Variants in KLHL18 observed in about 807,000 individuals in gnomAD.
KLHL18 encodes the protein kelch like family member 18.
A neutral mutation model predicts 58.5 loss-of-function variants in KLHL18; 38 were observed. That is an observed-to-expected ratio of 0.65 (90% CI 0.50 to 0.85). The LOEUF (loss-of-function observed/expected upper bound fraction) is 0.85, where lower values mean the gene tolerates loss of function less well. KLHL18 is among the 40% of genes least tolerant of loss of function. The pLI, the probability that KLHL18 is intolerant of heterozygous loss-of-function variation, is 0.00. For missense variants in KLHL18, 624 were observed against 778.4 expected, an observed-to-expected ratio of 0.80 and a Z score of 2.36; for synonymous variants, 303 against 301.9, an observed-to-expected ratio of 1.00 and a Z score of -0.04.
intron 1 of KLHL18, among the ~76,000 whole-genome samples, chr3:47,291,658 T>C (rs897852487): frequency 2.6e-5 from 4 of 152,256 alleles, no homozygotes; most frequent in Non-Finnish European, 5.9e-5. Context: ...TGACCTGTTA[T>C]ATACTGATAG....
intron 2 of KLHL18, among the ~76,000 whole-genome samples, chr3:47,321,653 G>A (rs545178049): frequency 6.6e-6 from 1 of 152,244 alleles, no homozygotes; most frequent in African/African-American, 2.4e-5. Flanking sequence ...CCCGGCTTCT[G>A]CCAGCTTTCT....
chr3:47,319,932 C>T, intron 2 of KLHL18, 149 bp downstream of exon 2: 1 of 847,948 alleles, frequency 1.2e-6, no homozygotes, highest in Non-Finnish European at 1.8e-6. Flanking sequence ...AGATTAGAAC[C>T]TGGGCCAGTG....
intron 4 of KLHL18, among the ~76,000 whole-genome samples, chr3:47,332,419 T>G (rs1010425955): frequency 2.6e-5 from 4 of 151,972 alleles, no homozygotes; most frequent in Admixed American, 6.6e-5. Flanking sequence ...AAGGTATGAT[T>G]TATTTTCCTC....
At chr3:47,292,758 T>C (rs918386664) in intron 1 of KLHL18, among the ~76,000 whole-genome samples, 2 of 151,780 alleles carry the variant, frequency 1.3e-5, no homozygotes, top group African/African-American at 4.8e-5. Flanking sequence ...ATACAAAAAT[T>C]AGCCAGGCGT....
rs550518143 is a variant in KLHL18, at chr3:47,319,632, T to C, written c.130-21T>C. ...TTTTGCATTCCTCAATATCTGTCTT[T>C]GTATTTTACTTTGCCCACAGATTGG... On this transcript the variant is annotated intron_variant, in intron 1 of 9. Coordinates refer to ENST00000232766, the MANE Select transcript of KLHL18 (RefSeq NM_025010.5). 1.7e-4 allele frequency: 282 copies of C among 1,612,082 alleles called. 4 individuals carry two copies. The South Asian group carries it at 3.0e-3, about 17-fold the overall frequency.
intron 7 of KLHL18, chr3:47,337,178 G>T (rs1298619239): frequency 5.1e-6 from 1 of 196,590 alleles, no homozygotes; most frequent in Non-Finnish European, 1.1e-5. Flanking sequence ...GTGTTTTTCT[G>T]TGTACCTTCC....
intron 1 of KLHL18, 127 bp downstream of exon 1, chr3:47,283,221 G>A: frequency 1.4e-6 from 1 of 725,304 alleles, no homozygotes; most frequent in Non-Finnish European, 2.1e-6. Flanking sequence ...GAGGGGGGCC[G>A]AGTAGTGGGG....
chr3:47,333,389 C>T, intron 5 of KLHL18, 72 bp downstream of exon 5: 2 of 1,443,448 alleles, frequency 1.4e-6, no homozygotes, highest in African/African-American at 1.4e-5. Flanking sequence ...CCACCTGTTC[C>T]AGTTCTGGAA....
intron 3 of KLHL18, among the ~76,000 whole-genome samples, chr3:47,326,132 G>A (rs1703714886): frequency 6.6e-6 from 1 of 152,090 alleles, no homozygotes; most frequent in African/African-American, 2.4e-5. Context: ...ATTTTTAGTA[G>A]AGATGGGGTT....
In KLHL18 at chr3:47,343,444, C is replaced by T. The variant is rs1576191074; in HGVS notation, c.1339-111C>T. ...ACTGGGAGAGCTCCTTGTCCCCATA[C>T]CTCCCACAGGAGTTTGACATCATGG... On this transcript the variant is annotated intron_variant, in intron 9 of 9. Coordinates refer to ENST00000232766, the MANE Select transcript of KLHL18 (RefSeq NM_025010.5). 4.7e-6 allele frequency: 6 copies of T among 1,285,670 alleles called. No homozygotes were observed. In the East Asian group the frequency reaches 1.4e-4, roughly 30 times the overall value. The allele number at this position is 1,285,670 out of a possible 1,614,324, so 79.6% of individuals were successfully genotyped here. A position where few individuals can be genotyped will look rare whatever the true frequency, so the allele number is the denominator to read the frequency against.
At chr3:47,296,320 C>G (rs1702896001) in intron 1 of KLHL18, among the ~76,000 whole-genome samples, 1 of 152,190 alleles carries the variant, frequency 6.6e-6, no homozygotes, top group Non-Finnish European at 1.5e-5. Flanking sequence ...ATGTTTCAAG[C>G]ACTTAAAAGT....
intron 1 of KLHL18, among the ~76,000 whole-genome samples, chr3:47,318,154 C>T (rs1040737972): frequency 1.3e-5 from 2 of 152,164 alleles, no homozygotes; most frequent in African/African-American, 4.8e-5. Context: ...CATGAGCCAC[C>T]CTGCGTCCGG....
At chr3:47,320,312 T>G (rs1173183484) in intron 2 of KLHL18, among the ~76,000 whole-genome samples, 1 of 152,194 alleles carries the variant, frequency 6.6e-6, no homozygotes, top group Non-Finnish European at 1.5e-5. Flanking sequence ...GAACTGAATT[T>G]TAAATTTTGT....
At chr3:47,289,406 G>A (rs1702743775) in intron 1 of KLHL18, among the ~76,000 whole-genome samples, 1 of 152,306 alleles carries the variant, frequency 6.6e-6, no homozygotes, top group East Asian at 1.9e-4. Flanking sequence ...CCCACTAAAT[G>A]TAGGCACACA....
chr3:47,289,973 C>T (rs1402023394), intron 1 of KLHL18, among the ~76,000 whole-genome samples: 1 of 152,082 alleles, frequency 6.6e-6, no homozygotes, highest in African/African-American at 2.4e-5. Context: ...GCAATATATC[C>T]ATGTATCAAA....
intron 1 of KLHL18, among the ~76,000 whole-genome samples, chr3:47,309,257 A>C (rs1306044059): frequency 7.9e-5 from 12 of 152,204 alleles, no homozygotes; most frequent in Non-Finnish European, 1.6e-4. Flanking sequence ...CATCGTCATC[A>C]TGGCCCGTTC....
Position 47,336,662 on chromosome 3 carries a change from A to C in KLHL18, c.1026A>C (p.Gly342=). The C allele has an allele frequency of 1.2e-6, 2 of 1,614,190 alleles. No individual in the cohort carries two copies. The highest frequency in any genetic ancestry group is 8.5e-7 in the Non-Finnish European group (1 of 1,180,038). Residue 342 remains glycine (G), a synonymous_variant, in exon 7 of 10, where the codon GGA becomes GGC. Coordinates refer to ENST00000232766, the MANE Select transcript of KLHL18 (RefSeq NM_025010.5). ...AVVNGLLYAI[G]GYDGQLRLST... is the part of the protein sequence containing the mutation. ...TGAACGGGCTTCTCTATGCCATCGG[A>C]GGATATGACGGCCAGCTACGGCTGA... is the stretch of plus-strand genomic sequence containing the variant.
At chr3:47,317,404 A>G (rs532252180) in intron 1 of KLHL18, among the ~76,000 whole-genome samples, 14 of 152,232 alleles carry the variant, frequency 9.2e-5, no homozygotes, top group African/African-American at 3.4e-4. Flanking sequence ...GTGAGCCACC[A>G]TGCCCAGCCT....
intron 9 of KLHL18, 57 bp from the exon 10 acceptor site, chr3:47,343,498 C>T: frequency 1.2e-6 from 2 of 1,603,608 alleles, no homozygotes; most frequent in Non-Finnish European, 8.5e-7. Flanking sequence ...ACGGTCACTC[C>T]ATGGACTGAG....
Sources: gnomAD v4.1 joint callset for allele counts (sites outside exome capture counted in the v4.1 genomes callset) on GRCh38, gnomAD v4.1.1 for gene constraint, MANE v1.5 for transcripts, NCBI Gene and HGNC (gene_info 2026-07-23, HGNC 2026-07-21) for gene names.